PTPN14: variants seen among roughly 807,000 people sequenced by gnomAD.
The protein encoded by PTPN14 is protein tyrosine phosphatase non-receptor type 14.
A neutral mutation model predicts 126.8 loss-of-function variants in PTPN14; 53 were observed. The observed-to-expected ratio is 0.42, with a 90% CI of 0.34 to 0.53. The LOEUF (loss-of-function observed/expected upper bound fraction) is 0.53. Ranked by LOEUF, PTPN14 falls within the 20% of genes least tolerant of loss-of-function variation. The pLI is 0.08. For synonymous variants in PTPN14, 630 were observed against 599.3 expected, an observed-to-expected ratio of 1.05 and a Z score of -0.75; for missense variants, 1,257 against 1,552.9, an observed-to-expected ratio of 0.81 and a Z score of 3.20.
chr1:214,498,455 T>C (rs1284651119), intron 1 of PTPN14, among the ~76,000 whole-genome samples: 2 of 152,126 alleles, frequency 1.3e-5, no homozygotes, highest in Admixed American at 1.3e-4. Context: ...AACTAAAAGT[T>C]CCTCAGATTA....
At chr1:214,523,851 T>TTTTTC in intron 1 of PTPN14, among the ~76,000 whole-genome samples, 1 of 60,330 alleles carries the variant, frequency 1.7e-5, no homozygotes, top group East Asian at 5.3e-4. Context: ...AATCAGATTC[T>TTTTTC]TTTTTTTTTT....
rs1658925493 is a variant in PTPN14, at chr1:214,397,980, G to A, written c.691C>T (p.His231Tyr). The A allele has an allele frequency of 6.2e-7, 1 of 1,612,624 alleles. No individual in the cohort carries two copies. The highest frequency in any genetic ancestry group is 8.5e-7 in the Non-Finnish European group (1 of 1,178,674). The change falls in exon 8 of 19, where the codon CAC (histidine) becomes TAC (tyrosine). Residue 231 changes from histidine (H) to tyrosine (Y), a missense_variant. Around this residue, in one of 3 missense-constraint regions of PTPN14, gnomAD observed 1,021 missense variants for 1,183.3 expected, o/e 0.86. Coordinates refer to ENST00000366956, the MANE Select transcript of PTPN14 (RefSeq NM_005401.5). ...PVKDNHGNCV[H>Y]LGIFFMGIFV... The stretch of plus-strand genomic sequence containing the variant: ...ATCCCCATAAAGAAAATGCCAAGGT[G>A]TACACAGTTTCCATGATTGTCCTGG...
chr1:214,437,630 G>C (rs543933157), intron 3 of PTPN14, among the ~76,000 whole-genome samples: 3 of 152,180 alleles, frequency 2.0e-5, no homozygotes, highest in Non-Finnish European at 4.4e-5. Context: ...AATTGCTACA[G>C]AAGAACCTTG....
Position 214,414,633 on chromosome 1 carries a change from C to T in PTPN14, c.438G>A (p.Val146=), listed in dbSNP as rs768131520. 54 of 1,612,928 alleles carry T rather than the reference C, an allele frequency of 3.3e-5. 1 individual carries two copies. In the Middle Eastern group the frequency reaches 4.9e-4, roughly 15 times the overall value. Residue 146 remains valine, a synonymous_variant, in exon 4 of 19, where the codon GTG becomes GTA. Coordinates refer to ENST00000366956, the MANE Select transcript of PTPN14 (RefSeq NM_005401.5). ...CTGCTCATAACTATGTCTTACCTTG[C>T]ACAGCTAGGCCGGCTAGCCGAATCA... ...DQVIRLAGLA[V]QADFGDYNQF... is the part of the protein sequence containing the mutation.
chr1:214,380,619 A>C (rs1008669406), intron 13 of PTPN14, among the ~76,000 whole-genome samples: 1 of 152,098 alleles, frequency 6.6e-6, no homozygotes, highest in Non-Finnish European at 1.5e-5. Context: ...GCAAATTCTC[A>C]CCATACCTGC....
At chr1:214,540,314 A>C (rs1241512901) in intron 1 of PTPN14, among the ~76,000 whole-genome samples, 1 of 152,186 alleles carries the variant, frequency 6.6e-6, no homozygotes, top group Admixed American at 6.5e-5. Context: ...GCAAAAGAAT[A>C]GGCCTAATAG....
At chr1:214,393,612 A>C (rs1473145388) in intron 10 of PTPN14, 83 bp downstream of exon 10, 2 of 1,106,822 alleles carry the variant, frequency 1.8e-6, no homozygotes, top group Admixed American at 4.1e-5. Context: ...AGTGAATAGG[A>C]AAAGAGATCT....
chr1:214,368,314 G>A (rs1471623048), intron 17 of PTPN14, among the ~76,000 whole-genome samples: 1 of 151,790 alleles, frequency 6.6e-6, no homozygotes, highest in Non-Finnish European at 1.5e-5. Context: ...CAATTTTCCT[G>A]CCTCAGCCTC....
chr1:214,512,538 G>T (rs11120347), intron 1 of PTPN14, among the ~76,000 whole-genome samples: 18 of 152,186 alleles, frequency 1.2e-4, no homozygotes, highest in African/African-American at 4.1e-4. Context: ...GGGTTACCAG[G>T]GGCTGAGGGC....
intron 3 of PTPN14, among the ~76,000 whole-genome samples, chr1:214,425,657 T>C (rs866284238): frequency 6.6e-6 from 1 of 152,132 alleles, no homozygotes; most frequent in Admixed American, 6.5e-5. Flanking sequence ...TAGTGTACTA[T>C]GAAAAAAATA....
chr1:214,502,862 C>T (rs1234641961), intron 1 of PTPN14, among the ~76,000 whole-genome samples: 1 of 152,120 alleles, frequency 6.6e-6, no homozygotes, highest in Non-Finnish European at 1.5e-5. Context: ...CAATTATTTG[C>T]ATAGGATGTA....
chr1:214,366,035 C>A (rs1033498624), intron 17 of PTPN14, among the ~76,000 whole-genome samples: 1 of 152,006 alleles, frequency 6.6e-6, no homozygotes, highest in Non-Finnish European at 1.5e-5. Flanking sequence ...TGTGGTGGCA[C>A]GAGCCTGTAA....
intron 1 of PTPN14, among the ~76,000 whole-genome samples, chr1:214,514,144 G>A (rs944655728): frequency 6.6e-6 from 1 of 151,996 alleles, no homozygotes; most frequent in African/African-American, 2.4e-5. Flanking sequence ...CCATCTGGAT[G>A]CTCCCAGGCT....
chr1:214,366,066 T>G (rs1658072793), intron 17 of PTPN14, among the ~76,000 whole-genome samples: 1 of 152,112 alleles, frequency 6.6e-6, no homozygotes, highest in African/African-American at 2.4e-5. Flanking sequence ...TAATTCCAGC[T>G]ACTCAGGAGG....
At position 214,411,673 on chromosome 1, in the gene PTPN14, A is replaced by G. The variant is rs754889715; in HGVS notation, c.510+11T>C. The G allele has an allele frequency of 1.2e-5, 18 of 1,461,298 alleles. No homozygotes were observed. The East Asian group carries it at 4.1e-4, about 33-fold the overall frequency. The allele number at this position is 1,461,298 out of a possible 1,614,324, so 90.5% of individuals were successfully genotyped here. On this transcript the variant is annotated intron_variant, in intron 5 of 18. Transcript: ENST00000366956. ...TAGAAAATTAATTAAGAAAAATGAAATTACACTTACCATAGGAAATAGCAC... is the reference window on the plus strand; with the variant it reads ...TAGAAAATTAATTAAGAAAAATGAAGTTACACTTACCATAGGAAATAGCAC...
rs777016106 is a variant in PTPN14, at chr1:214,383,963, G to T, written c.1892C>A (p.Thr631Asn). 1.9e-6 allele frequency: 3 copies of T among 1,612,242 alleles called. No individual in the cohort carries two copies. Among genetic ancestry groups the T allele is most frequent in the Non-Finnish European group, 2.5e-6 (3 of 1,180,024 alleles). ...LQEVSEPLTATKHHGTVNKRH... is the reference protein window; with the variant it reads ...LQEVSEPLTANKHHGTVNKRH... ...CTTGTTCACAGTGCCGTGGTGCTTG[G>T]TGGCCGTGAGGGGCTCGCTCACCTC... The change falls in exon 13 of 19, where the codon ACC becomes AAC. Residue 631 changes from threonine (T) to asparagine (N), a missense_variant. Physicochemically the swap from Thr to Asn is moderately conservative, Grantham distance 65 (BLOSUM62 0). Transcript: ENST00000366956. This position sits in a 1 kb window ranked among gnomAD's most constrained non-coding sequence, Gnocchi z 4.4.
intron 10 of PTPN14, among the ~76,000 whole-genome samples, chr1:214,392,194 A>AAG (rs981847649): frequency 6.6e-5 from 10 of 151,360 alleles, no homozygotes; most frequent in Non-Finnish European, 1.0e-4. Flanking sequence ...GAGAGAGAGA[A>AAG]AGAGAGAGAG....
rs541023826 is a variant in PTPN14 at position 214,478,660 on chromosome 1, G to A, written c.-154-13703C>T. Among the ~76,000 whole-genome samples the A allele has an allele frequency of 1.7e-3, 261 of 152,256 alleles. 1 individual carries two copies. The highest frequency in any genetic ancestry group is 2.8e-3 in the Non-Finnish European group (192 of 68,012). The stretch of plus-strand genomic sequence containing the variant: ...GTAGAACACTCATGATTCATTGATC[G>A]TTTCAGCTATAATAGCCTTTAAATG... On this transcript the variant is annotated intron_variant, in intron 1 of 18. Transcript: ENST00000366956.
intron 3 of PTPN14, among the ~76,000 whole-genome samples, chr1:214,429,987 T>C (rs1659761520): frequency 6.6e-6 from 1 of 152,218 alleles, no homozygotes; most frequent in East Asian, 1.9e-4. Context: ...AGTTTCAAGA[T>C]ACAGAAGGAG....
Sources: gnomAD v4.1 joint callset for allele counts (sites outside exome capture counted in the v4.1 genomes callset) on GRCh38, gnomAD v4.1.1 for gene constraint, gnomAD v4.1.1 regional missense constraint, Gnocchi (gnomAD v3.1) non-coding constraint, MANE v1.5 for transcripts, NCBI Gene and HGNC (gene_info 2026-07-23, HGNC 2026-07-21) for gene names.